Variants in SENP2 observed in about 807,000 individuals in gnomAD.
The protein encoded by SENP2 is SUMO specific peptidase 2, also known as sentrin-specific protease 2.
SENP2 carries 16 observed loss-of-function variants against 86.3 expected under a neutral mutation model. That is an observed-to-expected ratio of 0.19 (90% CI 0.13 to 0.28). SENP2 has a LOEUF of 0.28. SENP2 is among the 10% of genes least tolerant of loss of function. The probability of loss-of-function intolerance (pLI) is 1.00; values close to 1 mark genes in which losing one functional copy is unlikely to be tolerated. For synonymous variants in SENP2, 222 were observed against 238.7 expected, an observed-to-expected ratio of 0.93 and a Z score of 0.64; for missense variants, 552 against 703.0, an observed-to-expected ratio of 0.79 and a Z score of 2.43.
intron 6 of SENP2, among the ~76,000 whole-genome samples, chr3:185,608,719 G>C (rs1291222452): frequency 6.6e-6 from 1 of 152,122 alleles, no homozygotes; most frequent in Non-Finnish European, 1.5e-5. Context: ...ATCTCCAGTG[G>C]AGACAGAGAA....
chr3:185,598,851 G>T, intron 3 of SENP2, 107 bp from the exon 4 acceptor site: 1 of 803,714 alleles, frequency 1.2e-6, no homozygotes, highest in East Asian at 2.7e-5. Context: ...TCTTATTGAT[G>T]GTATCTCTTC....
intron 9 of SENP2, among the ~76,000 whole-genome samples, chr3:185,613,128 G>T (rs1368275819): frequency 2.0e-5 from 3 of 152,192 alleles, no homozygotes; most frequent in Non-Finnish European, 4.4e-5. Context: ...AATTACAGTG[G>T]CAGAGTTGCC....
intron 14 of SENP2, among the ~76,000 whole-genome samples, chr3:185,622,423 A>G (rs1711931857): frequency 6.6e-6 from 1 of 152,240 alleles, no homozygotes; most frequent in Non-Finnish European, 1.5e-5. Flanking sequence ...CGCATCAGTA[A>G]GATGGGTCCA....
intron 2 of SENP2, among the ~76,000 whole-genome samples, chr3:185,591,857 AAGTAGTT>A (rs1275588480): frequency 6.6e-6 from 1 of 151,406 alleles, no homozygotes. Context: ...TCAGCCTCCC[AAGTAGTT>A]GGTTGGGCCT....
intron 6 of SENP2, among the ~76,000 whole-genome samples, chr3:185,607,408 A>G (rs936816609): frequency 1.5e-5 from 2 of 136,084 alleles, no homozygotes; most frequent in African/African-American, 5.5e-5. Flanking sequence ...GGCTCACTGC[A>G]GCCTCCACCT....
At chr3:185,626,196 C>A in intron 15 of SENP2, 102 bp from the exon 16 acceptor site, 1 of 706,678 alleles carries the variant, frequency 1.4e-6, no homozygotes. Flanking sequence ...TTAATATTTA[C>A]CTTTATAATA....
rs917721087 is a variant in SENP2 at position 185,618,675 on chromosome 3, G to A, written c.1243-624G>A. Among the ~76,000 whole-genome samples the A allele has an allele frequency of 3.9e-5, 6 of 152,228 alleles. No individual in the cohort carries two copies. In the South Asian group the frequency reaches 6.2e-4, roughly 16 times the overall value. On this transcript the variant is annotated intron_variant, in intron 12 of 16. Coordinates refer to ENST00000296257, the MANE Select transcript of SENP2 (RefSeq NM_021627.3). ...GGGCGGATCACGAGGTCAGGAGACC[G>A]AGACCACCCTGACTAACACGGTGAA...
At chr3:185,621,250 T>C (rs1711861028) in intron 13 of SENP2, among the ~76,000 whole-genome samples, 1 of 116,800 alleles carries the variant, frequency 8.6e-6, no homozygotes, top group Non-Finnish European at 1.8e-5. Context: ...AAAAAAAGTC[T>C]CATCACTCTG....
At chr3:185,600,981 A>C in intron 5 of SENP2, 126 bp downstream of exon 5, 1 of 618,990 alleles carries the variant, frequency 1.6e-6, no homozygotes, top group Non-Finnish European at 2.9e-6. Flanking sequence ...TAACTTGCTG[A>C]ATGTCATGCA....
Position 185,612,597 on chromosome 3 carries a change from A to G in SENP2, c.818-10A>G. On this transcript the variant is annotated splice_polypyrimidine_tract_variant and intron_variant, in intron 8 of 16. Coordinates refer to ENST00000296257, the MANE Select transcript of SENP2 (RefSeq NM_021627.3). ...GGAAACATTTAATCTTTTCTTTACCATCCTCACAGATAGACTTGTTGAAAC... is the reference window on the plus strand; with the variant it reads ...GGAAACATTTAATCTTTTCTTTACCGTCCTCACAGATAGACTTGTTGAAAC... 5 of 1,596,356 alleles carry G rather than the reference A, an allele frequency of 3.1e-6. No homozygotes were observed. Among genetic ancestry groups the G allele is most frequent in the Non-Finnish European group, 4.3e-6 (5 of 1,164,500 alleles).
intron 5 of SENP2, among the ~76,000 whole-genome samples, chr3:185,601,933 C>T (rs1004184096): frequency 5.9e-5 from 9 of 152,116 alleles, no homozygotes; most frequent in Non-Finnish European, 8.8e-5. Flanking sequence ...CCACTGCGTG[C>T]GGCCTTCTTG....
chr3:185,621,734 T>C (rs1711898666), intron 13 of SENP2, 92 bp from the exon 14 acceptor site: 1 of 729,044 alleles, frequency 1.4e-6, no homozygotes, highest in Non-Finnish European at 2.3e-6. Flanking sequence ...TTGGTACATG[T>C]ATTTTTTAAA....
chr3:185,590,888 A>AAAAG (rs1467595240), intron 2 of SENP2, among the ~76,000 whole-genome samples: 10 of 144,022 alleles, frequency 6.9e-5, no homozygotes, highest in Non-Finnish European at 1.4e-4. Flanking sequence ...AAAAAAAAAA[A>AAAAG]AAAGAAAGTC....
rs1465074405 is a variant in SENP2 at position 185,630,586 on chromosome 3, T to G, written c.*742T>G. On this transcript the variant is annotated 3_prime_UTR_variant, in exon 17 of 17. Coordinates refer to ENST00000296257, the MANE Select transcript of SENP2 (RefSeq NM_021627.3). The stretch of plus-strand genomic sequence containing the variant: ...GATTATCCAAGCATCTTCCGAAGAG[T>G]GTTGTGGTCACCTTAAAGAGACTTC... The G allele has an allele frequency of 6.6e-6, 1 of 152,230 alleles. No homozygotes were observed. The highest frequency in any genetic ancestry group is 1.5e-5 in the Non-Finnish European group (1 of 67,984). The allele number at this position is 152,230 out of a possible 1,614,324, so 9.4% of individuals were successfully genotyped here. A position where few individuals can be genotyped will look rare whatever the true frequency, so the allele number is the denominator to read the frequency against.
chr3:185,604,703 A>T (rs1028850642), intron 5 of SENP2, among the ~76,000 whole-genome samples: 4 of 151,814 alleles, frequency 2.6e-5, no homozygotes, highest in African/African-American at 9.7e-5. Context: ...ACCATTTAAG[A>T]GTCTTTGATT....
Position 185,606,510 on chromosome 3 carries a change from C to A in SENP2, c.618+12C>A. The stretch of plus-strand genomic sequence containing the variant: ...GTACTGTGGAGGAGGTAAGCCTTTT[C>A]AGCTTGATTTCTTTAAAAAAAATTT... On this transcript the variant is annotated intron_variant, in intron 6 of 16. Transcript: ENST00000296257. The A allele has an allele frequency of 6.4e-7, 1 of 1,559,060 alleles. No individual in the cohort carries two copies. The highest frequency in any genetic ancestry group is 1.2e-5 in the South Asian group (1 of 81,048).
intron 6 of SENP2, among the ~76,000 whole-genome samples, chr3:185,608,472 G>T (rs898322644): frequency 1.3e-5 from 2 of 152,170 alleles, no homozygotes; most frequent in African/African-American, 2.4e-5. Context: ...CTATGTTTAT[G>T]GGGAAGATGA....
chr3:185,630,000 C>T lies in SENP2; in HGVS notation c.*156C>T, dbSNP rs1440124437. On this transcript the variant is annotated 3_prime_UTR_variant, in exon 17 of 17. Transcript: ENST00000296257. ...TGAAGGCCTCTCACTGTACTCTAGT[C>T]CTGACTTGGGGTGCAGAGGGCTGCT... is the stretch of plus-strand genomic sequence containing the variant. The T allele has an allele frequency of 4.3e-6, 3 of 691,484 alleles. No homozygotes were observed. Among genetic ancestry groups the T allele is most frequent in the Non-Finnish European group, 7.5e-6 (3 of 398,262 alleles). 42.8% of individuals were successfully genotyped at this position (691,484 alleles called of 1,614,324 possible).
intron 2 of SENP2, among the ~76,000 whole-genome samples, chr3:185,590,570 T>G (rs1721945399): frequency 7.0e-6 from 1 of 142,728 alleles, no homozygotes; most frequent in Admixed American, 7.2e-5. Context: ...ACAAAAAAAC[T>G]TAAGTCTCTT....
Sources: allele counts gnomAD v4.1 joint callset (sites outside exome capture counted in the v4.1 genomes callset), GRCh38; gene constraint gnomAD v4.1.1; transcripts MANE v1.5; gene names NCBI Gene and HGNC (gene_info 2026-07-23, HGNC 2026-07-21).